Variants in SLC24A3 observed in about 807,000 individuals in gnomAD.
The protein encoded by SLC24A3 is sodium/potassium/calcium exchanger 3.
SLC24A3 carries 28 observed loss-of-function variants against 75.8 expected under a neutral mutation model. The ratio of observed to expected loss-of-function variants is 0.37; its 90% CI spans 0.27 to 0.51. SLC24A3 has a LOEUF of 0.51. Among genes scored for constraint, SLC24A3 ranks in the 20% least tolerant of loss-of-function variants. The pLI, the probability that SLC24A3 is intolerant of heterozygous loss-of-function variation, is 0.94. For missense variants in SLC24A3, 663 were observed against 847.8 expected (o/e 0.78, Z 2.71); for synonymous variants, 372 against 334.1 (o/e 1.11, Z -1.24).
intron 3 of SLC24A3, among the ~76,000 whole-genome samples, chr20:19,521,663 A>C (rs1018161696): frequency 7.9e-5 from 12 of 152,148 alleles, no homozygotes; most frequent in African/African-American, 2.9e-4. Context: ...AATGGATGTC[A>C]TTTCCTGGGG....
chr20:19,221,269 C>T (rs949978001), intron 1 of SLC24A3, among the ~76,000 whole-genome samples: 4 of 152,166 alleles, frequency 2.6e-5, no homozygotes, highest in Admixed American at 1.3e-4. Context: ...TATTCCAGCA[C>T]GTCTTCTTTG....
In SLC24A3 at chr20:19,280,970, A is replaced by G; in HGVS notation, c.154A>G (p.Met52Val). ...CTTTGTCTCCCCAGAGCTTGACCTC[A>G]TGGACCTCGTAGGGGAAGACAGAAA... Reference protein sequence around the residue: ...SLREQKELDLMDLVGEDRKWM... With the variant: ...SLREQKELDLVDLVGEDRKWM... The change falls in exon 2 of 17, where the codon ATG (methionine) becomes GTG (valine). Residue 52 changes from methionine to valine, a missense_variant. Met to Val is a conservative substitution (Grantham distance 21, BLOSUM62 1). This residue lies in a region of SLC24A3 where 153 missense variants were observed against 144.2 expected (regional missense o/e 1.06). Coordinates refer to ENST00000328041, the MANE Select transcript of SLC24A3 (RefSeq NM_020689.4). 8 of 1,613,852 alleles carry G rather than the reference A, an allele frequency of 5.0e-6. No homozygotes were observed. Among genetic ancestry groups the G allele is most frequent in the Non-Finnish European group, 6.8e-6 (8 of 1,179,862 alleles).
At chr20:19,647,126 G>T (rs1331825501) in intron 6 of SLC24A3, among the ~76,000 whole-genome samples, 3 of 152,054 alleles carry the variant, frequency 2.0e-5, no homozygotes, top group African/African-American at 7.2e-5. Context: ...ATGGAAGTGG[G>T]TGGATTAATA....
chr20:19,254,213 C>T (rs942086801), intron 1 of SLC24A3, among the ~76,000 whole-genome samples: 2 of 147,234 alleles, frequency 1.4e-5, no homozygotes, highest in African/African-American at 5.0e-5. Flanking sequence ...ATTGCCCAGG[C>T]GGCCATCTAC....
chr20:19,231,294 G>A (rs765161874), intron 1 of SLC24A3, among the ~76,000 whole-genome samples: 8 of 152,314 alleles, frequency 5.3e-5, no homozygotes, highest in East Asian at 1.9e-4. Context: ...AGATGTTTAC[G>A]TCCGAATCCT....
chr20:19,249,486 T>C (rs1472031211), intron 1 of SLC24A3, among the ~76,000 whole-genome samples: 1 of 152,222 alleles, frequency 6.6e-6, no homozygotes, highest in African/African-American at 2.4e-5. Flanking sequence ...AGTGTCAACA[T>C]CCCCACGGTC....
At chr20:19,486,006 T>C (rs1315839272) in intron 2 of SLC24A3, among the ~76,000 whole-genome samples, 2 of 152,058 alleles carry the variant, frequency 1.3e-5, no homozygotes, top group Non-Finnish European at 2.9e-5. Flanking sequence ...TATAGGTGGG[T>C]GCAGGGTCAG....
At chr20:19,269,605 T>G (rs942615257) in intron 1 of SLC24A3, among the ~76,000 whole-genome samples, 4 of 152,244 alleles carry the variant, frequency 2.6e-5, no homozygotes, top group Non-Finnish European at 4.4e-5. Flanking sequence ...CAGCACCCTT[T>G]GAAAGCTGAA....
intron 2 of SLC24A3, among the ~76,000 whole-genome samples, chr20:19,391,047 G>A (rs13036658): frequency 6.6e-6 from 1 of 152,200 alleles, no homozygotes; most frequent in African/African-American, 2.4e-5. Flanking sequence ...CCTGGTGCTA[G>A]GGCAGGTCTG....
intron 2 of SLC24A3, among the ~76,000 whole-genome samples, chr20:19,438,405 G>C (rs1000985589): frequency 6.6e-6 from 1 of 152,180 alleles, no homozygotes; most frequent in East Asian, 1.9e-4. Context: ...ACCTGCTTAG[G>C]GGGTGGTAGG....
At chr20:19,490,629 G>A (rs556735808) in intron 2 of SLC24A3, among the ~76,000 whole-genome samples, 1 of 152,296 alleles carries the variant, frequency 6.6e-6, no homozygotes, top group Non-Finnish European at 1.5e-5. Context: ...GGATGTTAGG[G>A]TGAAGATTTT....
At chr20:19,334,786 C>T (rs879436194) in intron 2 of SLC24A3, among the ~76,000 whole-genome samples, 20 of 152,176 alleles carry the variant, frequency 1.3e-4, no homozygotes, top group Non-Finnish European at 2.4e-4. Flanking sequence ...CTGGGGGGCT[C>T]ATCTGCTGAT....
At chr20:19,659,065 C>T (rs1000776336) in intron 7 of SLC24A3, among the ~76,000 whole-genome samples, 1 of 152,186 alleles carries the variant, frequency 6.6e-6, no homozygotes, top group African/African-American at 2.4e-5. Flanking sequence ...TGCTGGAGGA[C>T]GGGGACTGTG....
At chr20:19,718,231 G>A (rs921714086) in intron 16 of SLC24A3, among the ~76,000 whole-genome samples, 3 of 152,242 alleles carry the variant, frequency 2.0e-5, no homozygotes, top group African/African-American at 7.2e-5. Context: ...ATATGCCAGA[G>A]AATGGGAATT....
intron 3 of SLC24A3, among the ~76,000 whole-genome samples, chr20:19,534,385 C>G (rs2030357839): frequency 1.4e-5 from 1 of 72,436 alleles, no homozygotes; most frequent in Non-Finnish European, 3.4e-5. Flanking sequence ...GTTTGACATC[C>G]AAAAAGGCTT....
chr20:19,344,482 C>G (rs1172042999), intron 2 of SLC24A3, among the ~76,000 whole-genome samples: 2 of 152,110 alleles, frequency 1.3e-5, no homozygotes, highest in Non-Finnish European at 1.5e-5. Flanking sequence ...GAGGTAGTTG[C>G]AAGAGGCACT....
At chr20:19,546,179 A>AAAAAAAAAAAAAAAAAAAAAAAAC (rs765227499) in intron 3 of SLC24A3, among the ~76,000 whole-genome samples, 9 of 147,576 alleles carry the variant, frequency 6.1e-5, no homozygotes, top group Non-Finnish European at 1.2e-4. Context: ...AAAAAAAAAA[A>AAAAAAAAAAAAAAAAAAAAAAAAC]AAAAAAAAAC....
intron 6 of SLC24A3, among the ~76,000 whole-genome samples, chr20:19,632,670 C>T (rs1330228379): frequency 6.6e-6 from 1 of 152,224 alleles, no homozygotes; most frequent in Non-Finnish European, 1.5e-5. Flanking sequence ...ATACCAGGCA[C>T]TGTGTTTTTA....
chr20:19,334,802 C>T (rs1255986642), intron 2 of SLC24A3, among the ~76,000 whole-genome samples: 1 of 152,194 alleles, frequency 6.6e-6, no homozygotes, highest in Non-Finnish European at 1.5e-5. Context: ...CTGATTCCCA[C>T]CTGCCATTCG....
Sources: gnomAD v4.1 joint callset for allele counts (sites outside exome capture counted in the v4.1 genomes callset) on GRCh38, gnomAD v4.1.1 for gene constraint, gnomAD v4.1.1 regional missense constraint, MANE v1.5 for transcripts, NCBI Gene and HGNC (gene_info 2026-07-23, HGNC 2026-07-21) for gene names.